FMNL2: variants seen among roughly 807,000 people sequenced by gnomAD.
FMNL2 encodes the protein formin like 2, also known as formin-like protein 2.
Under a neutral mutation model 130.2 loss-of-function variants are expected in FMNL2, and 51 were observed. The ratio of observed to expected loss-of-function variants is 0.39; its 90% CI spans 0.31 to 0.49. FMNL2 has a LOEUF of 0.49. Ranked by LOEUF, FMNL2 falls within the 20% of genes least tolerant of loss-of-function variation. The probability of loss-of-function intolerance (pLI) is 0.85; values close to 1 mark genes in which losing one functional copy is unlikely to be tolerated. For synonymous variants in FMNL2, 465 were observed against 467.1 expected (o/e 1.00, Z 0.06); for missense variants, 977 against 1,316.2 (o/e 0.74, Z 3.99).
intron 1 of FMNL2, among the ~76,000 whole-genome samples, chr2:152,357,035 A>C (rs1384151991): frequency 1.4e-5 from 2 of 140,564 alleles, no homozygotes; most frequent in Non-Finnish European, 3.1e-5. Flanking sequence ...AATATTACAT[A>C]AGTTTAATAT....
At chr2:152,589,452 T>C (rs372104250) in intron 9 of FMNL2, among the ~76,000 whole-genome samples, 2 of 152,192 alleles carry the variant, frequency 1.3e-5, no homozygotes, top group Non-Finnish European at 2.9e-5. Flanking sequence ...CCTTATTTCA[T>C]ATTCTTGGAA....
At chr2:152,642,390 C>T (rs1039067608) in intron 25 of FMNL2, among the ~76,000 whole-genome samples, 1 of 152,168 alleles carries the variant, frequency 6.6e-6, no homozygotes, top group Non-Finnish European at 1.5e-5. Flanking sequence ...AAAAGGAAGT[C>T]AATAATGAAT....
At chr2:152,336,816 A>G (rs1017056243) in intron 1 of FMNL2, among the ~76,000 whole-genome samples, 1 of 152,158 alleles carries the variant, frequency 6.6e-6, no homozygotes, top group African/African-American at 2.4e-5. Context: ...TCTAAACTCC[A>G]CAAGACTAGG....
chr2:152,544,703 C>T (rs1428029121), intron 3 of FMNL2, among the ~76,000 whole-genome samples: 43 of 152,096 alleles, frequency 2.8e-4, no homozygotes, highest in Admixed American at 2.8e-3. Flanking sequence ...CAAAAAATTC[C>T]TTCCACATTT....
At chr2:152,382,513 C>T (rs980923865) in intron 1 of FMNL2, among the ~76,000 whole-genome samples, 1 of 152,064 alleles carries the variant, frequency 6.6e-6, no homozygotes, top group Non-Finnish European at 1.5e-5. Flanking sequence ...CCACTTGCCT[C>T]CACAAAGATC....
chr2:152,578,789 G>T, intron 7 of FMNL2, 99 bp from the exon 8 acceptor site: 1 of 823,962 alleles, frequency 1.2e-6, no homozygotes, highest in South Asian at 1.7e-5. Flanking sequence ...AGTTTCATTA[G>T]GTAGATACTT....
chr2:152,537,614 C>A (rs780836716), intron 2 of FMNL2, among the ~76,000 whole-genome samples: 9 of 152,056 alleles, frequency 5.9e-5, no homozygotes, highest in Non-Finnish European at 1.3e-4. Context: ...TAAAAGTTAC[C>A]CTTAATTTAT....
chr2:152,492,208 C>G (rs1390431872), intron 1 of FMNL2, among the ~76,000 whole-genome samples: 1 of 151,970 alleles, frequency 6.6e-6, no homozygotes, highest in Non-Finnish European at 1.5e-5. Flanking sequence ...CGTCCCCCAC[C>G]CTCTGCCCCC....
intron 1 of FMNL2, among the ~76,000 whole-genome samples, chr2:152,378,076 C>T (rs1226101114): frequency 6.8e-6 from 1 of 146,134 alleles, no homozygotes; most frequent in Admixed American, 7.0e-5. Flanking sequence ...TGCACCACTG[C>T]ACTCCAGCCT....
rs1687751803 is a variant in FMNL2 at position 152,436,160 on chromosome 2, T to C, written c.118-85783T>C. ...TTTTCCAACTTCCTCACCCCATTGC[T>C]TTTTTTATTTTTCTTTTTTTTTTGA... On this transcript the variant is annotated intron_variant, in intron 1 of 25. Coordinates refer to ENST00000288670, the MANE Select transcript of FMNL2 (RefSeq NM_052905.4). Among the ~76,000 whole-genome samples the C allele has an allele frequency of 2.0e-5, 3 of 152,170 alleles. No homozygotes were observed. In the South Asian group the frequency reaches 6.2e-4, roughly 32 times the overall value.
rs1173098089 is a variant in FMNL2, at chr2:152,611,996, A to G, written c.1062+391A>G. Among the ~76,000 whole-genome samples the G allele has an allele frequency of 3.3e-5, 5 of 152,304 alleles. 1 individual carries two copies. Among genetic ancestry groups the G allele is most frequent in the Admixed American group, 6.5e-5 (1 of 15,296 alleles). The stretch of plus-strand genomic sequence containing the variant: ...GCAGAGAAAGTCAAGCCAAGACTGT[A>G]GAGTGATGAGTCAGTGCTTAGAGCA... On this transcript the variant is annotated intron_variant, in intron 11 of 25. Coordinates refer to ENST00000288670, the MANE Select transcript of FMNL2 (RefSeq NM_052905.4).
At chr2:152,590,011 A>G (rs1383989021) in intron 9 of FMNL2, among the ~76,000 whole-genome samples, 19 of 118,276 alleles carry the variant, frequency 1.6e-4, no homozygotes, top group South Asian at 5.3e-4. Flanking sequence ...ATATATATAC[A>G]TATACATATA....
intron 4 of FMNL2, among the ~76,000 whole-genome samples, chr2:152,556,893 G>A (rs943764084): frequency 1.3e-5 from 2 of 150,584 alleles, no homozygotes; most frequent in South Asian, 2.1e-4. Flanking sequence ...TCCCCCCGCC[G>A]TGATTATTTT....
chr2:152,429,457 A>G (rs1051533064), intron 1 of FMNL2, among the ~76,000 whole-genome samples: 2 of 152,272 alleles, frequency 1.3e-5, no homozygotes, highest in Non-Finnish European at 2.9e-5. Context: ...CATTTCAGCG[A>G]TAGAGGTTTT....
chr2:152,594,503 GC>G (rs1697647993), intron 9 of FMNL2, among the ~76,000 whole-genome samples: 1 of 152,148 alleles, frequency 6.6e-6, no homozygotes, highest in Admixed American at 6.5e-5. Context: ...CAATCCCTTG[GC>G]TCAAGTTTCA....
chr2:152,628,571 G>A (rs778585453), intron 18 of FMNL2, 38 bp downstream of exon 18: 40 of 1,545,242 alleles, frequency 2.6e-5, no homozygotes, highest in Non-Finnish European at 3.6e-5. Flanking sequence ...GGGGTCCAAA[G>A]AAATGTGGAA....
At chr2:152,392,954 C>T (rs934859493) in intron 1 of FMNL2, among the ~76,000 whole-genome samples, 4 of 152,186 alleles carry the variant, frequency 2.6e-5, no homozygotes, top group Admixed American at 1.3e-4. Context: ...GCAGTTTTGT[C>T]AGTGACTGTG....
At chr2:152,348,882 T>C (rs13024308) in intron 1 of FMNL2, among the ~76,000 whole-genome samples, 96,348 of 129,926 alleles carry the variant, frequency 0.74, 38,322 homozygotes, top group Admixed American at 0.85. Context: ...GGCCGGACTG[T>C]GGACTGCAGT....
At chr2:152,514,551 C>T (rs190222607) in intron 1 of FMNL2, among the ~76,000 whole-genome samples, 9 of 152,192 alleles carry the variant, frequency 5.9e-5, no homozygotes, top group Admixed American at 3.9e-4. Flanking sequence ...CTCCCATATC[C>T]GTGGGGGATA....
Sources: allele counts gnomAD v4.1 joint callset (sites outside exome capture counted in the v4.1 genomes callset), GRCh38; gene constraint gnomAD v4.1.1; transcripts MANE v1.5; gene names NCBI Gene and HGNC (gene_info 2026-07-23, HGNC 2026-07-21).